DAB1: variants seen among roughly 807,000 people sequenced by gnomAD.
DAB1 encodes the protein DAB adaptor protein 1.
A neutral mutation model predicts 64.6 loss-of-function variants in DAB1; 15 were observed. The observed-to-expected ratio is 0.23, with a 90% confidence interval of 0.16 to 0.36. The LOEUF (loss-of-function observed/expected upper bound fraction) is 0.36. DAB1 is among the 10% of genes least tolerant of loss of function. DAB1 has a pLI of 1.00. For missense variants in DAB1, 596 were observed against 706.7 expected (o/e 0.84, Z 1.78); for synonymous variants, 235 against 251.9 (o/e 0.93, Z 0.64).
At chr1:57,509,215 G>A (rs973321206) in intron 7 of DAB1, among the ~76,000 whole-genome samples, 16 of 151,984 alleles carry the variant, frequency 1.1e-4, no homozygotes, top group Admixed American at 7.2e-4. Context: ...TACATGAAGT[G>A]CCTGGCATAG....
intron 3 of DAB1, among the ~76,000 whole-genome samples, chr1:58,369,227 CT>C (rs1181989093): frequency 6.6e-6 from 1 of 152,112 alleles, no homozygotes; most frequent in Non-Finnish European, 1.5e-5. Context: ...CATATTCCCT[CT>C]CCTTTACCAG....
chr1:57,472,422 A>G (rs1164136433), intron 7 of DAB1, among the ~76,000 whole-genome samples: 1 of 152,256 alleles, frequency 6.6e-6, no homozygotes, highest in Non-Finnish European at 1.5e-5. Flanking sequence ...AAGAAAAAGT[A>G]AAAACTAAAA....
At chr1:57,906,382 A>G (rs1404031503) in intron 5 of DAB1, among the ~76,000 whole-genome samples, 1 of 152,200 alleles carries the variant, frequency 6.6e-6, no homozygotes, top group African/African-American at 2.4e-5. Flanking sequence ...TGGCAGGTGA[A>G]GTAACTTGCC....
chr1:57,127,699 A>T (rs1239600820), intron 4 of DAB1, among the ~76,000 whole-genome samples: 2 of 152,146 alleles, frequency 1.3e-5, no homozygotes, highest in African/African-American at 4.8e-5. Flanking sequence ...TGTTCAAGTG[A>T]CCTAACCTTC....
At chr1:58,010,725 T>C (rs974944283) in intron 5 of DAB1, among the ~76,000 whole-genome samples, 4 of 152,332 alleles carry the variant, frequency 2.6e-5, no homozygotes, top group Admixed American at 2.6e-4. Flanking sequence ...GTACTAGTCC[T>C]GCAGGGCTCT....
At chr1:58,028,456 T>A (rs1646926319) in intron 5 of DAB1, among the ~76,000 whole-genome samples, 1 of 152,192 alleles carries the variant, frequency 6.6e-6, no homozygotes, top group Non-Finnish European at 1.5e-5. Flanking sequence ...AATTGGAGTG[T>A]CTTGTCTTAG....
chr1:58,266,038 C>CCCCCCACCA (rs1553171517), intron 4 of DAB1, among the ~76,000 whole-genome samples: 2 of 150,196 alleles, frequency 1.3e-5, no homozygotes, highest in East Asian at 3.9e-4. Context: ...ACACATACAC[C>CCCCCCACCA]CCACCACCAC....
At chr1:58,212,015 A>T (rs535448051) in intron 4 of DAB1, among the ~76,000 whole-genome samples, 1 of 152,024 alleles carries the variant, frequency 6.6e-6, no homozygotes, top group Non-Finnish European at 1.5e-5. Context: ...CCCACTCCAA[A>T]CCCCTCCCTT....
rs1397755816 is a variant in DAB1 at position 57,878,459 on chromosome 1, TC to T, written n.87+5539del. ...CCTCAAAATGGTAATAAAGGGTAATTCTTTTAGATGATCTTGCATTTGTTTG... is the reference window on the plus strand; with the variant it reads ...CCTCAAAATGGTAATAAAGGGTAATTTTTTAGATGATCTTGCATTTGTTTG... On this transcript the variant is annotated intron_variant and non_coding_transcript_variant, in intron 1 of 1. Transcript: ENST00000477280. The T allele has an allele frequency of 3.9e-5, 6 of 152,280 alleles. No homozygotes were observed. In the East Asian group the frequency reaches 9.7e-4, roughly 25 times the overall value. 9.4% of individuals were successfully genotyped at this position (152,280 alleles called of 1,614,324 possible).
chr1:58,445,240 C>T (rs1430511843), intron 3 of DAB1, among the ~76,000 whole-genome samples: 1 of 152,260 alleles, frequency 6.6e-6, no homozygotes, highest in Non-Finnish European at 1.5e-5. Context: ...ACACATGGCA[C>T]AATTTCTAGT....
chr1:58,492,695 A>T (rs1204003358), intron 3 of DAB1, among the ~76,000 whole-genome samples: 1 of 152,230 alleles, frequency 6.6e-6, no homozygotes, highest in Non-Finnish European at 1.5e-5. Flanking sequence ...GGACACATAC[A>T]GTCTCCCAAG....
At chr1:58,148,779 C>T (rs559429952) in intron 5 of DAB1, among the ~76,000 whole-genome samples, 5 of 151,696 alleles carry the variant, frequency 3.3e-5, no homozygotes, top group East Asian at 1.9e-4. Flanking sequence ...AATCACACCC[C>T]CCCCCCAACC....
At chr1:57,748,921 G>A (rs1648418422) in intron 6 of DAB1, among the ~76,000 whole-genome samples, 1 of 152,196 alleles carries the variant, frequency 6.6e-6, no homozygotes. Flanking sequence ...CTTTTCATGT[G>A]AAATTGTGCA....
At chr1:57,008,007 G>A (rs2100266232) in intron 14 of DAB1, among the ~76,000 whole-genome samples, 1 of 152,332 alleles carries the variant, frequency 6.6e-6, no homozygotes, top group South Asian at 2.1e-4. Flanking sequence ...TGTCTGCAAA[G>A]CTGGCATCTG....
intron 5 of DAB1, among the ~76,000 whole-genome samples, chr1:57,948,732 G>C (rs987841584): frequency 6.6e-6 from 1 of 152,146 alleles, no homozygotes; most frequent in Non-Finnish European, 1.5e-5. Flanking sequence ...GTTCTCTCTT[G>C]TACTTGACTG....
intron 1 of DAB1, among the ~76,000 whole-genome samples, chr1:57,345,640 A>T (rs1373743455): frequency 1.3e-5 from 2 of 152,200 alleles, no homozygotes; most frequent in African/African-American, 2.4e-5. Flanking sequence ...GGAAAAAAAG[A>T]TTTAATAAAA....
intron 6 of DAB1, among the ~76,000 whole-genome samples, chr1:57,779,189 G>A (rs1199595500): frequency 6.6e-6 from 1 of 152,066 alleles, no homozygotes; most frequent in Non-Finnish European, 1.5e-5. Flanking sequence ...CTTCTCTGGG[G>A]GGTTAACAGT....
intron 6 of DAB1, among the ~76,000 whole-genome samples, chr1:57,718,223 T>A (rs1012232126): frequency 6.6e-6 from 1 of 152,204 alleles, no homozygotes. Flanking sequence ...CCTCATTTAA[T>A]CCTTACACAA....
intron 2 of DAB1, among the ~76,000 whole-genome samples, chr1:57,153,832 G>A (rs1398805783): frequency 6.6e-6 from 1 of 151,844 alleles, no homozygotes; most frequent in Non-Finnish European, 1.5e-5. Context: ...GTAGAGATGG[G>A]GTTTCACCGT....
Sources: allele counts gnomAD v4.1 joint callset (sites outside exome capture counted in the v4.1 genomes callset), GRCh38; gene constraint gnomAD v4.1.1; transcripts MANE v1.5; gene names NCBI Gene and HGNC (gene_info 2026-07-23, HGNC 2026-07-21).